Variants in SYNPO2 observed in about 807,000 individuals in gnomAD.
The protein encoded by SYNPO2 is synaptopodin-2.
A neutral mutation model predicts 85.0 loss-of-function variants in SYNPO2; 56 were observed. The ratio of observed to expected loss-of-function variants is 0.66; its 90% CI spans 0.53 to 0.82. The LOEUF (loss-of-function observed/expected upper bound fraction) is 0.82, where lower values mean the gene tolerates loss of function less well. Among genes scored for constraint, SYNPO2 ranks in the 40% least tolerant of loss-of-function variants. The probability of loss-of-function intolerance (pLI) is 0.00; values close to 1 mark genes in which losing one functional copy is unlikely to be tolerated. For synonymous variants in SYNPO2, 602 were observed against 591.1 expected (o/e 1.02, Z -0.27); for missense variants, 1,575 against 1,534.2 (o/e 1.03, Z -0.44).
intron 4 of SYNPO2, among the ~76,000 whole-genome samples, chr4:119,048,458 C>G (rs1352246916): frequency 6.6e-6 from 1 of 152,070 alleles, no homozygotes; most frequent in Non-Finnish European, 1.5e-5. Context: ...TTAGATGGAC[C>G]TTAATTTCTA....
intron 1 of SYNPO2, among the ~76,000 whole-genome samples, chr4:118,976,491 A>C (rs937911622): frequency 2.2e-4 from 34 of 152,294 alleles, no homozygotes; most frequent in Middle Eastern, 3.4e-3. Flanking sequence ...AATGCTGGCT[A>C]GGGCAGCCTG....
rs535420285 is a variant in SYNPO2 at position 119,052,280 on chromosome 4, CT to C, written c.3253-5120del. Reference sequence around the variant, plus strand: ...GAGCTGGCTGGGGTCAACCTGGGGCCTCTCTGAGGGGGCAGATGGATCCTAG... The same window carrying C: ...GAGCTGGCTGGGGTCAACCTGGGGCCCTCTGAGGGGGCAGATGGATCCTAG... On this transcript the variant is annotated intron_variant, in intron 4 of 4. Coordinates refer to ENST00000307142, the MANE Select transcript of SYNPO2 (RefSeq NM_133477.3). Among the ~76,000 whole-genome samples the C allele has an allele frequency of 4.9e-4, 74 of 152,280 alleles. No individual in the cohort carries two copies. The South Asian group carries it at 0.013, about 28-fold the overall frequency.
chr4:119,025,567 C>G (rs1737903639), intron 2 of SYNPO2, among the ~76,000 whole-genome samples: 1 of 152,074 alleles, frequency 6.6e-6, no homozygotes, highest in Non-Finnish European at 1.5e-5. Context: ...TGCACTACCA[C>G]ATAAATTCTA....
intron 1 of SYNPO2, among the ~76,000 whole-genome samples, chr4:118,900,307 A>G (rs1732678397): frequency 6.6e-6 from 1 of 152,164 alleles, no homozygotes; most frequent in Non-Finnish European, 1.5e-5. Flanking sequence ...ACCAGCAACT[A>G]AAAGCCACTC....
At chr4:118,935,082 C>T (rs368365572) in intron 1 of SYNPO2, among the ~76,000 whole-genome samples, 1 of 152,094 alleles carries the variant, frequency 6.6e-6, no homozygotes, top group South Asian at 2.1e-4. Context: ...GTTTAGAATA[C>T]CCTCACTATT....
At chr4:118,871,335 C>G (rs942137093) in intron 1 of SYNPO2, among the ~76,000 whole-genome samples, 8 of 151,310 alleles carry the variant, frequency 5.3e-5, no homozygotes, top group African/African-American at 1.9e-4. Context: ...ACAGGAGTGA[C>G]TCCATAGTGC....
intron 1 of SYNPO2, among the ~76,000 whole-genome samples, chr4:118,943,128 G>C (rs1425725721): frequency 6.6e-6 from 1 of 151,232 alleles, no homozygotes; most frequent in Non-Finnish European, 1.5e-5. Flanking sequence ...AAAGTCAATA[G>C]TGTTGAGGTT....
chr4:118,863,839 T>C (rs1173543143), intron 1 of SYNPO2, among the ~76,000 whole-genome samples: 1 of 152,230 alleles, frequency 6.6e-6, no homozygotes, highest in African/African-American at 2.4e-5. Context: ...CTCAAATTTC[T>C]GAGGTAATCC....
intron 1 of SYNPO2, among the ~76,000 whole-genome samples, chr4:118,852,133 C>T (rs188115997): frequency 2.1e-3 from 323 of 152,262 alleles, no homozygotes; most frequent in Non-Finnish European, 3.9e-3. Context: ...CTCAATATCA[C>T]GGACCATTAG....
chr4:118,864,913 A>G (rs1192885330), intron 1 of SYNPO2, among the ~76,000 whole-genome samples: 2 of 152,234 alleles, frequency 1.3e-5, no homozygotes, highest in East Asian at 1.9e-4. Flanking sequence ...TGATAGCTAC[A>G]TTATATATAT....
chr4:118,932,370 CAG>C (rs899202347), intron 1 of SYNPO2, among the ~76,000 whole-genome samples: 1 of 152,192 alleles, frequency 6.6e-6, no homozygotes, highest in African/African-American at 2.4e-5. Flanking sequence ...TCCTTTCCTT[CAG>C]AGTTACAGCA....
intron 1 of SYNPO2, among the ~76,000 whole-genome samples, chr4:118,901,730 C>G (rs994070398): frequency 1.3e-5 from 2 of 152,156 alleles, no homozygotes; most frequent in African/African-American, 4.8e-5. Flanking sequence ...AATGAATTGA[C>G]GAGAAACCCT....
chr4:118,852,959 A>C (rs1303895592), intron 1 of SYNPO2, among the ~76,000 whole-genome samples: 1 of 152,210 alleles, frequency 6.6e-6, no homozygotes, highest in Non-Finnish European at 1.5e-5. Flanking sequence ...ATTACCATCA[A>C]TTTCATCAGA....
chr4:118,991,438 G>A (rs1374974061), intron 1 of SYNPO2, among the ~76,000 whole-genome samples: 4 of 152,076 alleles, frequency 2.6e-5, no homozygotes, highest in East Asian at 1.9e-4. Context: ...ATGAGCCACC[G>A]CACCCGGCCT....
chr4:119,026,469 A>C (rs1271238858), intron 2 of SYNPO2, among the ~76,000 whole-genome samples, 158 bp from the exon 3 acceptor site: 1 of 152,244 alleles, frequency 6.6e-6, no homozygotes, highest in Non-Finnish European at 1.5e-5. Context: ...TAATATGAAC[A>C]TGTTGCCACC....
intron 1 of SYNPO2, among the ~76,000 whole-genome samples, chr4:118,952,385 TTTATTA>T (rs987745735): frequency 2.0e-5 from 3 of 152,006 alleles, no homozygotes; most frequent in African/African-American, 7.2e-5. Flanking sequence ...AAAATTTTAT[TTTATTA>T]TTATTATACT....
chr4:118,903,269 T>A (rs1732819413), intron 1 of SYNPO2, among the ~76,000 whole-genome samples: 1 of 152,142 alleles, frequency 6.6e-6, no homozygotes, highest in Non-Finnish European at 1.5e-5. Context: ...TCAGGCACAG[T>A]AAAACATAAT....
intron 1 of SYNPO2, among the ~76,000 whole-genome samples, chr4:118,922,542 T>G (rs1444214163): frequency 6.6e-6 from 1 of 152,086 alleles, no homozygotes; most frequent in Non-Finnish European, 1.5e-5. Context: ...ACTCTTTTTT[T>G]TTTGAACCCT....
At chr4:118,893,317 C>A (rs900640713) in intron 1 of SYNPO2, among the ~76,000 whole-genome samples, 1 of 152,188 alleles carries the variant, frequency 6.6e-6, no homozygotes, top group African/African-American at 2.4e-5. Flanking sequence ...TATGCATGAA[C>A]TTTGCCATTA....
Sources: gnomAD v4.1 joint callset for allele counts (sites outside exome capture counted in the v4.1 genomes callset) on GRCh38, gnomAD v4.1.1 for gene constraint, MANE v1.5 for transcripts, NCBI Gene and HGNC (gene_info 2026-07-23, HGNC 2026-07-21) for gene names.